The following DLGAP2 variants were observed in gnomAD, a reference collection of about 807,000 sequenced individuals.
DLGAP2 encodes the protein disks large-associated protein 2.
DLGAP2 carries 26 observed loss-of-function variants against 100.3 expected under a neutral mutation model. The ratio of observed to expected loss-of-function variants is 0.26; its 90% CI spans 0.19 to 0.36. The LOEUF is 0.36. Among genes scored for constraint, DLGAP2 ranks in the 10% least tolerant of loss-of-function variants. DLGAP2 has a pLI of 1.00. For missense variants in DLGAP2, 1,858 were observed against 1,453.2 expected, an observed-to-expected ratio of 1.28 and a Z score of -4.53; for synonymous variants, 886 against 630.1, an observed-to-expected ratio of 1.41 and a Z score of -6.08.
At chr8:1,022,381 T>C (rs1356081150) in intron 2 of DLGAP2, among the ~76,000 whole-genome samples, 2 of 144,906 alleles carry the variant, frequency 1.4e-5, no homozygotes, top group South Asian at 2.2e-4. Flanking sequence ...TCCCTGGGAG[T>C]GGACAGTCCC....
intron 12 of DLGAP2, among the ~76,000 whole-genome samples, chr8:1,681,476 A>AAT (rs1798943617): frequency 1.3e-5 from 2 of 151,844 alleles, no homozygotes; most frequent in African/African-American, 4.8e-5. Flanking sequence ...CTACCAAAAA[A>AAT]AATAATAATA....
intron 2 of DLGAP2, among the ~76,000 whole-genome samples, chr8:1,183,667 C>T (rs547589047): frequency 3.5e-4 from 53 of 152,304 alleles, no homozygotes; most frequent in Admixed American, 1.2e-3. Context: ...CGGTGGAGCC[C>T]AGGAGACAGG....
At chr8:1,012,775 C>A (rs1801334198) in intron 2 of DLGAP2, among the ~76,000 whole-genome samples, 1 of 148,642 alleles carries the variant, frequency 6.7e-6, no homozygotes, top group Admixed American at 6.7e-5. Context: ...CGACCAGCCC[C>A]CCACTTCAGC....
intron 1 of DLGAP2, among the ~76,000 whole-genome samples, chr8:883,693 G>A (rs1181299179): frequency 2.0e-5 from 3 of 151,070 alleles, no homozygotes; most frequent in African/African-American, 7.3e-5. Flanking sequence ...GGTTCGTTAC[G>A]TAGGTGCGCG....
intron 2 of DLGAP2, among the ~76,000 whole-genome samples, chr8:1,110,489 C>T (rs1804918972): frequency 6.7e-6 from 1 of 149,680 alleles, no homozygotes; most frequent in Non-Finnish European, 1.5e-5. Flanking sequence ...TGTGCTCGGT[C>T]TGTGATGTGT....
intron 2 of DLGAP2, among the ~76,000 whole-genome samples, chr8:1,223,670 A>C (rs559531884): frequency 6.6e-6 from 1 of 152,334 alleles, no homozygotes; most frequent in South Asian, 2.1e-4. Context: ...GATTTCTGAA[A>C]GGGAAGAGCA....
intron 7 of DLGAP2, among the ~76,000 whole-genome samples, chr8:1,627,422 T>A (rs1797533222): frequency 3.3e-5 from 5 of 152,170 alleles, no homozygotes; most frequent in Admixed American, 3.3e-4. Flanking sequence ...TAAAATCAGG[T>A]GCCTGAGACA....
rs187025936 is a variant in DLGAP2 at position 1,635,078 on chromosome 8, G to T, written c.1810+2032G>T. Among the ~76,000 whole-genome samples the T allele has an allele frequency of 9.2e-5, 14 of 152,232 alleles. No individual in the cohort carries two copies. In the East Asian group the frequency reaches 2.7e-3, roughly 29 times the overall value. On this transcript the variant is annotated intron_variant, in intron 8 of 14. Transcript: ENST00000637795. Reference sequence around the variant, plus strand: ...CTAGGGGAAATACTTAGCACTGTAGGATTACAAGTTACCCTTGTGAAGAAA... The same window carrying T: ...CTAGGGGAAATACTTAGCACTGTAGTATTACAAGTTACCCTTGTGAAGAAA...
chr8:1,454,366 T>G (rs1563159220), intron 3 of DLGAP2, among the ~76,000 whole-genome samples: 1 of 152,000 alleles, frequency 6.6e-6, no homozygotes, highest in Admixed American at 6.5e-5. Flanking sequence ...TTTTTTTTTT[T>G]TATCTTTTCT....
At chr8:1,289,748 G>A (rs1338140323) in intron 3 of DLGAP2, among the ~76,000 whole-genome samples, 9 of 152,144 alleles carry the variant, frequency 5.9e-5, no homozygotes, top group East Asian at 3.9e-4. Context: ...AGGAGAGCCC[G>A]GCCTCCCCCG....
chr8:914,442 G>A (rs528381181), intron 2 of DLGAP2, among the ~76,000 whole-genome samples: 1 of 152,350 alleles, frequency 6.6e-6, no homozygotes, highest in Admixed American at 6.5e-5. Flanking sequence ...TTTAATTCCT[G>A]CTAGAACAAG....
rs561995981 is a variant in DLGAP2 at position 1,257,736 on chromosome 8, G to T, written c.74-1115G>T. Among the ~76,000 whole-genome samples, 353 of 152,114 alleles carry T rather than the reference G, an allele frequency of 2.3e-3. 1 individual carries two copies. Among genetic ancestry groups the T allele is most frequent in the Non-Finnish European group, 4.2e-3 (283 of 67,948 alleles). On this transcript the variant is annotated intron_variant, in intron 2 of 14. Transcript: ENST00000637795. ...GGTGTCCTCCCGAGGGCCCGTGCAG[G>T]CCAGCGCTGACGTGGAAGAGCCGGT...
chr8:798,869 C>T (rs946430713), intron 1 of DLGAP2, among the ~76,000 whole-genome samples: 7 of 150,812 alleles, frequency 4.6e-5, no homozygotes, highest in African/African-American at 9.7e-5. Flanking sequence ...CCTGCAGCCC[C>T]GTGTCCCGGC....
intron 12 of DLGAP2, among the ~76,000 whole-genome samples, chr8:1,682,638 C>A (rs1203032716): frequency 6.6e-6 from 1 of 151,370 alleles, no homozygotes; most frequent in African/African-American, 2.4e-5. Context: ...CAGCACCTGG[C>A]TAATTTTGTA....
chr8:1,684,907 G>A (rs1033390660), intron 12 of DLGAP2, among the ~76,000 whole-genome samples: 10 of 152,074 alleles, frequency 6.6e-5, no homozygotes, highest in Non-Finnish European at 1.5e-4. Context: ...TCTTTCAAAC[G>A]GTATCGGAAA....
intron 2 of DLGAP2, among the ~76,000 whole-genome samples, chr8:987,135 C>T (rs1485682430): frequency 6.6e-6 from 1 of 152,190 alleles, no homozygotes; most frequent in East Asian, 1.9e-4. Context: ...TTCCTGAATT[C>T]TCTCTGCTCT....
chr8:1,258,829 T>C, intron 2 of DLGAP2, 22 bp from the exon 3 acceptor site: 1 of 1,231,700 alleles, frequency 8.1e-7, no homozygotes, highest in Non-Finnish European at 1.0e-6. Context: ...GTGTAACAGC[T>C]TCTCTCTGTC....
At chr8:1,013,675 GAGACCAGGACAGACGA>G (rs1563144364) in intron 2 of DLGAP2, among the ~76,000 whole-genome samples, 17 of 110,764 alleles carry the variant, frequency 1.5e-4, no homozygotes, top group African/African-American at 7.1e-4. Flanking sequence ...TCCACTGTGT[GAGACCAGGACAGACGA>G]TGCCTCCATT....
At chr8:1,567,990 C>G (rs1802470891) in intron 6 of DLGAP2, among the ~76,000 whole-genome samples, 1 of 152,108 alleles carries the variant, frequency 6.6e-6, no homozygotes, top group South Asian at 2.1e-4. Flanking sequence ...AACACAAATC[C>G]ACTCTGCCCG....
Sources: gnomAD v4.1 joint callset for allele counts (sites outside exome capture counted in the v4.1 genomes callset) on GRCh38, gnomAD v4.1.1 for gene constraint, MANE v1.5 for transcripts, NCBI Gene and HGNC (gene_info 2026-07-23, HGNC 2026-07-21) for gene names.